Variants in GATAD2B observed in about 807,000 individuals in gnomAD.
GATAD2B encodes the protein transcriptional repressor p66-beta.
In GATAD2B, 8 loss-of-function variants were observed where a neutral mutation model predicts 64.3. The observed-to-expected ratio is 0.12, with a 90% CI of 0.07 to 0.22. The LOEUF (loss-of-function observed/expected upper bound fraction) is 0.22, where lower values mean the gene tolerates loss of function less well. Ranked by LOEUF, GATAD2B falls within the 10% of genes least tolerant of loss-of-function variation. The probability of loss-of-function intolerance (pLI) is 1.00; values close to 1 mark genes in which losing one functional copy is unlikely to be tolerated. For missense variants in GATAD2B, 453 were observed against 752.0 expected (o/e 0.60, Z 4.65); for synonymous variants, 281 against 271.3 (o/e 1.04, Z -0.35).
chr1:153,849,130 G>A (rs1454776923), intron 1 of GATAD2B, among the ~76,000 whole-genome samples: 1 of 152,156 alleles, frequency 6.6e-6, no homozygotes, highest in Non-Finnish European at 1.5e-5. Context: ...GGGGCTATGG[G>A]TGTATGTCAC....
chr1:153,821,606 G>A (rs918423736), intron 2 of GATAD2B, among the ~76,000 whole-genome samples: 5 of 151,864 alleles, frequency 3.3e-5, no homozygotes, highest in African/African-American at 9.7e-5. Flanking sequence ...TGGCTCTGTC[G>A]CCCAGGCTGG....
At chr1:153,871,303 G>T (rs1676657865) in intron 1 of GATAD2B, among the ~76,000 whole-genome samples, 1 of 152,090 alleles carries the variant, frequency 6.6e-6, no homozygotes, top group Non-Finnish European at 1.5e-5. Context: ...CTGACCTTGT[G>T]ATCTGCCCAC....
intron 1 of GATAD2B, among the ~76,000 whole-genome samples, chr1:153,835,909 G>A (rs1370857176): frequency 1.3e-5 from 2 of 152,002 alleles, no homozygotes; most frequent in Admixed American, 1.3e-4. Context: ...TTTTAGTAGA[G>A]ACAAGGTTTC....
chr1:153,857,330 C>CA (rs1233134234), intron 1 of GATAD2B, among the ~76,000 whole-genome samples: 1 of 151,886 alleles, frequency 6.6e-6, no homozygotes, highest in Non-Finnish European at 1.5e-5. Flanking sequence ...CTTGGAGTCC[C>CA]AGCTACTCGG....
At chr1:153,887,125 G>C (rs1345383122) in intron 1 of GATAD2B, among the ~76,000 whole-genome samples, 1 of 152,102 alleles carries the variant, frequency 6.6e-6, no homozygotes. Context: ...TGGTCAAAAA[G>C]TTACATTTTT....
intron 1 of GATAD2B, among the ~76,000 whole-genome samples, chr1:153,899,922 T>C (rs1677716661): frequency 6.6e-6 from 1 of 152,168 alleles, no homozygotes; most frequent in African/African-American, 2.4e-5. Flanking sequence ...ACAAATATAC[T>C]TAAATGTGTA....
intron 1 of GATAD2B, among the ~76,000 whole-genome samples, chr1:153,846,054 T>G (rs144285255): frequency 0.01 from 1,552 of 152,126 alleles, 29 homozygotes; most frequent in African/African-American, 0.035. Context: ...CTACAACATT[T>G]TTTTCGTTGT....
intron 1 of GATAD2B, among the ~76,000 whole-genome samples, chr1:153,875,469 T>C (rs1164998900): frequency 6.6e-6 from 1 of 152,156 alleles, no homozygotes; most frequent in East Asian, 1.9e-4. Flanking sequence ...TTAGACAAGC[T>C]TGATCTATAC....
At chr1:153,818,450 G>A (rs1313255022) in intron 4 of GATAD2B, among the ~76,000 whole-genome samples, 1 of 151,776 alleles carries the variant, frequency 6.6e-6, no homozygotes, top group African/African-American at 2.4e-5. Flanking sequence ...GAGTAGCTGG[G>A]ACTACAGGCG....
intron 1 of GATAD2B, among the ~76,000 whole-genome samples, chr1:153,860,431 G>A (rs1676242084): frequency 6.6e-6 from 1 of 151,238 alleles, no homozygotes; most frequent in South Asian, 2.1e-4. Flanking sequence ...AACTCCTAGG[G>A]TTAGGCAATC....
intron 1 of GATAD2B, among the ~76,000 whole-genome samples, chr1:153,909,947 C>CAAAAA (rs34780134): frequency 9.9e-6 from 1 of 101,108 alleles, no homozygotes; most frequent in South Asian, 3.2e-4. Flanking sequence ...GACTCCATCT[C>CAAAAA]AAAAAAAAAA....
intron 2 of GATAD2B, chr1:153,827,712 T>C (rs1674932154): frequency 2.9e-6 from 1 of 345,584 alleles, no homozygotes; most frequent in South Asian, 9.0e-5. Context: ...CCATGAAGAT[T>C]AGAATGAAGG....
At chr1:153,902,608 C>T (rs970202370) in intron 1 of GATAD2B, among the ~76,000 whole-genome samples, 4 of 151,990 alleles carry the variant, frequency 2.6e-5, no homozygotes, top group African/African-American at 9.7e-5. Context: ...GCACATACCA[C>T]CATACCCTGC....
At chr1:153,857,551 CT>C (rs1676130033) in intron 1 of GATAD2B, among the ~76,000 whole-genome samples, 1 of 152,256 alleles carries the variant, frequency 6.6e-6, no homozygotes, top group Non-Finnish European at 1.5e-5. Flanking sequence ...ACCTGATAAA[CT>C]TTTCACATTG....
chr1:153,819,822 G>A, intron 2 of GATAD2B, 87 bp from the exon 3 acceptor site: 1 of 1,207,692 alleles, frequency 8.3e-7, no homozygotes, highest in Non-Finnish European at 1.2e-6. Context: ...AGGGGGGCCG[G>A]GTGCGGTGGC....
chr1:153,813,383 G>A lies in GATAD2B; in HGVS notation c.1286C>T (p.Pro429Leu). 6.2e-7 allele frequency: 1 copy of A among 1,614,012 alleles called. No individual in the cohort carries two copies. Among genetic ancestry groups the A allele is most frequent in the Non-Finnish European group, 8.5e-7 (1 of 1,179,916 alleles). The change falls in exon 8 of 11, where the codon CCT becomes CTT. Residue 429 changes from proline to leucine, a missense_variant. By Grantham distance (98) the Pro-to-Leu change is moderately conservative. Transcript: ENST00000368655. The stretch of plus-strand genomic sequence containing the variant: ...ACCATTCTTTTCTTGCTTCCAGTGA[G>A]GGGTGAAATCTGTGCGGCACTGGGC... Reference protein sequence around the residue: ...VCAQCRTDFTPHWKQEKNGKI... With the variant: ...VCAQCRTDFTLHWKQEKNGKI...
chr1:153,871,713 C>T (rs181665136), intron 1 of GATAD2B, among the ~76,000 whole-genome samples: 6 of 151,510 alleles, frequency 4.0e-5, no homozygotes, highest in East Asian at 2.0e-4. Flanking sequence ...TCAAGTGATC[C>T]GCCCACTTCA....
intron 1 of GATAD2B, among the ~76,000 whole-genome samples, chr1:153,855,807 G>T (rs1240073192): frequency 6.6e-6 from 1 of 151,890 alleles, no homozygotes; most frequent in Non-Finnish European, 1.5e-5. Context: ...TCTGGGACTG[G>T]GAGTAGCTGG....
chr1:153,910,593 A>T (rs567197207), intron 1 of GATAD2B, among the ~76,000 whole-genome samples: 3 of 152,146 alleles, frequency 2.0e-5, no homozygotes, highest in Non-Finnish European at 4.4e-5. Context: ...TACAAAAATT[A>T]GCCAGACGTG....
Sources: gnomAD v4.1 joint callset for allele counts (sites outside exome capture counted in the v4.1 genomes callset) on GRCh38, gnomAD v4.1.1 for gene constraint, MANE v1.5 for transcripts, NCBI Gene and HGNC (gene_info 2026-07-23, HGNC 2026-07-21) for gene names.